Variants in CNBD1 observed in about 807,000 individuals in gnomAD.
CNBD1 encodes cyclic nucleotide-binding domain-containing protein 1.
Under a neutral mutation model 54.4 loss-of-function variants are expected in CNBD1, and 71 were observed. The observed-to-expected ratio is 1.30, with a 90% confidence interval of 1.08 to 1.59. The LOEUF (loss-of-function observed/expected upper bound fraction) is 1.59, where lower values mean the gene tolerates loss of function less well. Ranked by LOEUF, CNBD1 falls within the 40% of genes most tolerant of loss-of-function variation. The probability of loss-of-function intolerance (pLI) is 0.00; values close to 1 mark genes in which losing one functional copy is unlikely to be tolerated. For missense variants in CNBD1, 659 were observed against 518.0 expected (o/e 1.27, Z -2.64); for synonymous variants, 182 against 170.7 (o/e 1.07, Z -0.51).
At chr8:87,284,219 T>G (rs904484516) in intron 6 of CNBD1, among the ~76,000 whole-genome samples, 1 of 152,130 alleles carries the variant, frequency 6.6e-6, no homozygotes, top group Non-Finnish European at 1.5e-5. Flanking sequence ...ATGCCTAATA[T>G]TTATTGTTTA....
chr8:87,428,224 A>G (rs1808084443), intron 2 of CNBD1, among the ~76,000 whole-genome samples: 1 of 152,146 alleles, frequency 6.6e-6, no homozygotes. Context: ...TGTCATGGAA[A>G]GTGAATCTGC....
chr8:87,127,233 T>C (rs2130722088), intron 4 of CNBD1, among the ~76,000 whole-genome samples: 1 of 152,220 alleles, frequency 6.6e-6, no homozygotes, highest in African/African-American at 2.4e-5. Context: ...ATTCAATTTG[T>C]AGATCAATTT....
intron 4 of CNBD1, among the ~76,000 whole-genome samples, chr8:87,032,668 CT>C (rs1809820360): frequency 6.6e-6 from 1 of 152,058 alleles, no homozygotes; most frequent in African/African-American, 2.4e-5. Flanking sequence ...TTTTGTCTTC[CT>C]TTTTTCTCCA....
chr8:87,109,279 A>G (rs1049176893), intron 4 of CNBD1, among the ~76,000 whole-genome samples: 4 of 152,108 alleles, frequency 2.6e-5, no homozygotes, highest in Non-Finnish European at 4.4e-5. Context: ...TTTGTCTTTA[A>G]ATTTAGCACT....
Position 86,887,572 on chromosome 8 carries a change from G to A in CNBD1, c.119G>A (p.Gly40Asp). ...AAAAAGTCTAAGCACATTAATTATGGCCAGTTGAATGCATTATGCCACATT... is the reference window on the plus strand; with the variant it reads ...AAAAAGTCTAAGCACATTAATTATGACCAGTTGAATGCATTATGCCACATT... ...NLKKSKHINY[G>D]QLNALCHIRG... Residue 40 changes from glycine to aspartate, a missense_variant, in exon 2 of 11, where the codon GGC (glycine) becomes GAC (aspartate). Gly to Asp is a moderately conservative substitution (Grantham distance 94). Coordinates refer to ENST00000518476, the MANE Select transcript of CNBD1 (RefSeq NM_173538.3). 6.3e-7 allele frequency: 1 copy of A among 1,578,054 alleles called. No individual in the cohort carries two copies. Among genetic ancestry groups the A allele is most frequent in the South Asian group, 1.2e-5 (1 of 85,550 alleles).
At chr8:87,026,102 G>A (rs768915123) in intron 4 of CNBD1, among the ~76,000 whole-genome samples, 8 of 151,946 alleles carry the variant, frequency 5.3e-5, no homozygotes, top group Non-Finnish European at 1.0e-4. Flanking sequence ...CTTATTTTTT[G>A]AATTAGAAGA....
intron 4 of CNBD1, among the ~76,000 whole-genome samples, chr8:87,134,990 AT>A (rs1812198462): frequency 6.6e-6 from 1 of 152,154 alleles, no homozygotes; most frequent in Non-Finnish European, 1.5e-5. Flanking sequence ...TATAGTGTTT[AT>A]TAATGTTCAC....
chr8:87,237,718 G>A (rs1807611173), intron 6 of CNBD1, among the ~76,000 whole-genome samples: 1 of 152,094 alleles, frequency 6.6e-6, no homozygotes, highest in South Asian at 2.1e-4. Flanking sequence ...TCAATTTAGG[G>A]TGATCAAGAT....
chr8:87,269,115 G>T (rs1586378913), intron 6 of CNBD1, among the ~76,000 whole-genome samples: 1 of 152,044 alleles, frequency 6.6e-6, no homozygotes, highest in Non-Finnish European at 1.5e-5. Flanking sequence ...TAAAAGAAAT[G>T]GGTCCAGTTT....
At chr8:87,371,620 A>G (rs1810800185) in intron 10 of CNBD1, among the ~76,000 whole-genome samples, 1 of 152,054 alleles carries the variant, frequency 6.6e-6, no homozygotes, top group Admixed American at 6.6e-5. Context: ...CCAGCAGCAC[A>G]TCAAAAAGCT....
At chr8:87,426,791 T>G (rs1428430532) in intron 2 of CNBD1, among the ~76,000 whole-genome samples, 2 of 152,166 alleles carry the variant, frequency 1.3e-5, no homozygotes, top group Non-Finnish European at 2.9e-5. Flanking sequence ...CTCACTTCTT[T>G]TACCAAAAAA....
At chr8:86,910,497 G>A (rs1015144359) in intron 3 of CNBD1, among the ~76,000 whole-genome samples, 1 of 152,144 alleles carries the variant, frequency 6.6e-6, no homozygotes, top group African/African-American at 2.4e-5. Context: ...TGGGGGAGGG[G>A]GAGCATCCTG....
intron 6 of CNBD1, among the ~76,000 whole-genome samples, chr8:87,280,730 T>C (rs59009334): frequency 0.28 from 42,566 of 151,322 alleles, 6,443 homozygotes; most frequent in African/African-American, 0.39. Context: ...ATGACTTTAT[T>C]CAAAAGAAAG....
downstream of CNBD1, among the ~76,000 whole-genome samples, chr8:87,387,406 G>A (rs1183759561): frequency 1.3e-5 from 2 of 152,072 alleles, no homozygotes; most frequent in Non-Finnish European, 2.9e-5. Context: ...AAAGGATGGA[G>A]GAAGATCTAC....
chr8:87,374,250 A>G (rs915311434), intron 10 of CNBD1, among the ~76,000 whole-genome samples: 1 of 151,788 alleles, frequency 6.6e-6, no homozygotes. Context: ...TTACTGTGCA[A>G]TAGTGTTTTT....
intron 10 of CNBD1, among the ~76,000 whole-genome samples, chr8:87,375,262 A>G (rs955682678): frequency 2.0e-5 from 3 of 151,920 alleles, no homozygotes; most frequent in Non-Finnish European, 2.9e-5. Context: ...CTGATAGTTT[A>G]GTTACAAATT....
chr8:87,345,210 C>A (rs1423037199), intron 8 of CNBD1, among the ~76,000 whole-genome samples: 1 of 152,134 alleles, frequency 6.6e-6, no homozygotes, highest in East Asian at 1.9e-4. Context: ...ATACACTTAT[C>A]TATTTAAGTA....
chr8:87,374,498 T>C (rs571965435), intron 10 of CNBD1, among the ~76,000 whole-genome samples: 1 of 151,942 alleles, frequency 6.6e-6, no homozygotes, highest in East Asian at 1.9e-4. Context: ...ATTGCCCGTC[T>C]TTACATACCC....
chr8:86,962,366 C>G (rs1807952618), intron 4 of CNBD1, among the ~76,000 whole-genome samples: 2 of 152,178 alleles, frequency 1.3e-5, no homozygotes, highest in Admixed American at 6.5e-5. Flanking sequence ...CTATAGCACC[C>G]CTTTTTAAAG....
Sources: allele counts gnomAD v4.1 joint callset (sites outside exome capture counted in the v4.1 genomes callset), GRCh38; gene constraint gnomAD v4.1.1; transcripts MANE v1.5; gene names NCBI Gene and HGNC (gene_info 2026-07-23, HGNC 2026-07-21).